Variants in COL9A2 observed in about 807,000 individuals in gnomAD.
COL9A2 encodes collagen type IX alpha 2 chain.
COL9A2 carries 66 observed loss-of-function variants against 111.6 expected under a neutral mutation model. The observed-to-expected ratio is 0.59, with a 90% CI of 0.48 to 0.73. COL9A2 has a LOEUF of 0.73. Ranked by LOEUF, COL9A2 falls within the 30% of genes least tolerant of loss-of-function variation. COL9A2 has a pLI of 0.00. For missense variants in COL9A2, 881 were observed against 954.1 expected, an observed-to-expected ratio of 0.92 and a Z score of 1.01; for synonymous variants, 353 against 364.1, an observed-to-expected ratio of 0.97 and a Z score of 0.35.
chr1:40,315,483 C>T (rs1438178011), intron 2 of COL9A2, 107 bp downstream of exon 2: 2 of 1,473,838 alleles, frequency 1.4e-6, no homozygotes, highest in East Asian at 5.1e-5. Context: ...CGACGAGGGG[C>T]ACTACATCTC....
rs201669089 is a variant in COL9A2, at chr1:40,307,526, C to A, written c.955-27G>T. The A allele has an allele frequency of 1.9e-6, 3 of 1,613,706 alleles. No homozygotes were observed. The highest frequency in any genetic ancestry group is 1.7e-6 in the Non-Finnish European group (2 of 1,179,676). On this transcript the variant is annotated intron_variant, in intron 18 of 31. Transcript: ENST00000372748. This position sits in a 1 kb window ranked among gnomAD's most constrained non-coding sequence, Gnocchi z 4.8. ...TGGGATAGACAGATAACCAAAGATA[C>A]AAATTAAAGCTCCAGCCAGAGGGCC...
Position 40,311,455 on chromosome 1 carries a change from G to A in COL9A2, c.519+45C>T. 1 of 1,571,052 alleles carries A rather than the reference G, an allele frequency of 6.4e-7. No individual in the cohort carries two copies. Among genetic ancestry groups the A allele is most frequent in the South Asian group, 1.1e-5 (1 of 90,044 alleles). On this transcript the variant is annotated intron_variant, in intron 10 of 31. Transcript: ENST00000372748. The surrounding 1 kb of genome is among the most constrained non-coding windows in gnomAD (Gnocchi z 5.1). ...GTGGCCCCGCCTCCCCATCTCTGTG[G>A]CCCCGCCCCCCTGTGTTAGCCCCGC...
chr1:40,302,910 G>A lies in COL9A2; in HGVS notation c.1604-101C>T. ...CATTCCGATGGGCCCTGGCCCCTAG[G>A]TTTGCAGACAGAAAAGCACCACCTT... On this transcript the variant is annotated intron_variant, in intron 29 of 31. Transcript: ENST00000372748. The surrounding 1 kb of genome is among the most constrained non-coding windows in gnomAD (Gnocchi z 4.5). The A allele has an allele frequency of 7.7e-7, 1 of 1,297,468 alleles. No homozygotes were observed. Among genetic ancestry groups the A allele is most frequent in the South Asian group, 1.3e-5 (1 of 78,180 alleles). The allele number at this position is 1,297,468 out of a possible 1,614,324, so 80.4% of individuals were successfully genotyped here. A position where few individuals can be genotyped will look rare whatever the true frequency, so the allele number is the denominator to read the frequency against.
At chr1:40,308,094 G>C (rs1463634079) in intron 17 of COL9A2, 98 bp downstream of exon 17, 1 of 1,219,670 alleles carries the variant, frequency 8.2e-7, no homozygotes, top group Non-Finnish European at 1.2e-6. Flanking sequence ...ACCAGTTGCA[G>C]AGTTCAGACT....
At position 40,306,351 on chromosome 1, in the gene COL9A2, G is replaced by A. The variant is rs114101487; in HGVS notation, c.1009-164C>T. Among the ~76,000 whole-genome samples, 543 of 152,350 alleles carry A rather than the reference G, an allele frequency of 3.6e-3. 4 individuals are homozygous for A. The highest frequency in any genetic ancestry group is 0.012 in the African/African-American group (516 of 41,584). On this transcript the variant is annotated intron_variant, in intron 19 of 31. Coordinates refer to ENST00000372748, the MANE Select transcript of COL9A2 (RefSeq NM_001852.4). ...AACTTAACTGTACATTCCCACAGTGGTGGCAGAGGAGTGGGGCACAGAGAA... is the reference window on the plus strand; with the variant it reads ...AACTTAACTGTACATTCCCACAGTGATGGCAGAGGAGTGGGGCACAGAGAA...
chr1:40,310,674 G>A lies in COL9A2; in HGVS notation c.684+40C>T, dbSNP rs1644108504. ...AATGACTCCATGAAGGGCTCCTGGG[G>A]TGAGGGAGAAGAGGGCCACTGAGGC... On this transcript the variant is annotated intron_variant, in intron 13 of 31. Coordinates refer to ENST00000372748, the MANE Select transcript of COL9A2 (RefSeq NM_001852.4). This position sits in a 1 kb window ranked among gnomAD's most constrained non-coding sequence, Gnocchi z 4.9. 3 of 1,538,856 alleles carry A rather than the reference G, an allele frequency of 1.9e-6. No individual in the cohort carries two copies. Among genetic ancestry groups the A allele is most frequent in the Non-Finnish European group, 1.8e-6 (2 of 1,131,298 alleles).
rs115464714 is a variant in COL9A2 at position 40,308,812 on chromosome 1, T to G, written c.847-567A>C. On this transcript the variant is annotated intron_variant, in intron 16 of 31. Coordinates refer to ENST00000372748, the MANE Select transcript of COL9A2 (RefSeq NM_001852.4). ...ACATCAGAGCAAAGCAATAACAAAA[T>G]CAAAGGAAGGAGGGGTCTGGGGGAT... Among the ~76,000 whole-genome samples the G allele has an allele frequency of 9.3e-3, 1,421 of 152,102 alleles. 7 individuals carry two copies. Among genetic ancestry groups the G allele is most frequent in the Non-Finnish European group, 0.015 (1,045 of 67,978 alleles).
Position 40,307,715 on chromosome 1 carries a change from C to A in COL9A2, c.942G>T (p.Thr314=). The change falls in exon 18 of 32, where the codon ACG becomes ACT. Residue 314 remains threonine, a synonymous_variant. Transcript: ENST00000372748. This position sits in a 1 kb window ranked among gnomAD's most constrained non-coding sequence, Gnocchi z 4.8. ...GCCCCACTCCTACCTTCATGCCAGG[C>A]GTGCCTGGGGTCCCATCCTTGCCGT... ...GINGKDGTPG[T]PGMKGSAGQA... is the part of the protein sequence containing the mutation. 2 of 1,614,182 alleles carry A rather than the reference C, an allele frequency of 1.2e-6. No individual in the cohort carries two copies. Among genetic ancestry groups the A allele is most frequent in the South Asian group, 1.1e-5 (1 of 91,084 alleles).
rs750855411 is a variant in COL9A2, at chr1:40,312,550, G to A, written c.339+24C>T. ...GTCCCCTCTCCCCCAAGAGTCCCTC[G>A]AAGCCCTTGCAGGTTGTACTCACCG... is the stretch of plus-strand genomic sequence containing the variant. On this transcript the variant is annotated intron_variant, in intron 6 of 31. Coordinates refer to ENST00000372748, the MANE Select transcript of COL9A2 (RefSeq NM_001852.4). This position sits in a 1 kb window ranked among gnomAD's most constrained non-coding sequence, Gnocchi z 6.0. 9.9e-6 allele frequency: 16 copies of A among 1,613,926 alleles called. No individual in the cohort carries two copies. In the Admixed American group the frequency reaches 2.2e-4, roughly 22 times the overall value.
At position 40,307,710 on chromosome 1, in the gene COL9A2, C is replaced by T; in HGVS notation, c.947G>A (p.Gly316Asp). ...NGKDGTPGTP[G>D]MKGSAGQAGQ... ...CAGCAGCCCCACTCCTACCTTCATG[C>T]CAGGCGTGCCTGGGGTCCCATCCTT... Residue 316 changes from glycine to aspartate, a missense_variant, in exon 18 of 32, where the codon GGC becomes GAC. Gly to Asp is a moderately conservative substitution (Grantham distance 94). Coordinates refer to ENST00000372748, the MANE Select transcript of COL9A2 (RefSeq NM_001852.4). This position sits in a 1 kb window ranked among gnomAD's most constrained non-coding sequence, Gnocchi z 4.8. 6.2e-7 allele frequency: 1 copy of T among 1,614,166 alleles called. No homozygotes were observed. The highest frequency in any genetic ancestry group is 8.5e-7 in the Non-Finnish European group (1 of 1,180,000).
At position 40,303,437 on chromosome 1, in the gene COL9A2, A is replaced by T. The variant is rs186450620; in HGVS notation, c.1548+93T>A. 264 of 1,537,494 alleles carry T rather than the reference A, an allele frequency of 1.7e-4. No homozygotes were observed. In the East Asian group the frequency reaches 6.0e-3, roughly 35 times the overall value. ...GGAACCAGTCTCGGGGAAGTCGGTG[A>T]GTCTCTGGGAATCCCTAGCCTTTGG... On this transcript the variant is annotated intron_variant, in intron 28 of 31. Coordinates refer to ENST00000372748, the MANE Select transcript of COL9A2 (RefSeq NM_001852.4). This position sits in a 1 kb window ranked among gnomAD's most constrained non-coding sequence, Gnocchi z 4.6.
chr1:40,309,744 C>T (rs1024247167), intron 16 of COL9A2, among the ~76,000 whole-genome samples, 194 bp downstream of exon 16: 2 of 151,896 alleles, frequency 1.3e-5, no homozygotes, highest in African/African-American at 4.8e-5. Context: ...CAGACAGCCT[C>T]ACACATACAC....
Position 40,311,460 on chromosome 1 carries a change from GC to G in COL9A2, c.519+39del, listed in dbSNP as rs137881116. 0.067 allele frequency: 32,239 copies of G among 481,034 alleles called. 522 individuals carry two copies. Among genetic ancestry groups the G allele is most frequent in the South Asian group, 0.14 (4,304 of 30,436 alleles). 29.8% of individuals were successfully genotyped at this position (481,034 alleles called of 1,614,324 possible). A position where few individuals can be genotyped will look rare whatever the true frequency, so the allele number is the denominator to read the frequency against. ...CCCGCCTCCCCATCTCTGTGGCCCCGCCCCCCTGTGTTAGCCCCGCCCCAGA... is the reference window on the plus strand; with the variant it reads ...CCCGCCTCCCCATCTCTGTGGCCCCGCCCCCTGTGTTAGCCCCGCCCCAGA... On this transcript the variant is annotated intron_variant, in intron 10 of 31. Transcript: ENST00000372748. This position sits in a 1 kb window ranked among gnomAD's most constrained non-coding sequence, Gnocchi z 5.1.
chr1:40,315,274 G>A, intron 2 of COL9A2: 2 of 1,183,330 alleles, frequency 1.7e-6, no homozygotes, highest in Non-Finnish European at 2.1e-6. Flanking sequence ...GGCAGGGTGA[G>A]GGGTTGAGTC....
Position 40,311,001 on chromosome 1 carries a change from C to A in COL9A2, c.630+92G>T. The A allele has an allele frequency of 6.5e-7, 1 of 1,539,658 alleles. No individual in the cohort carries two copies. The highest frequency in any genetic ancestry group is 9.0e-7 in the Non-Finnish European group (1 of 1,112,738). ...CTCAAGGCTCTGTCCCCAGAACCCA[C>A]AGGGGAAGGGGAAGGGACGAAGAAG... On this transcript the variant is annotated intron_variant, in intron 12 of 31. Coordinates refer to ENST00000372748, the MANE Select transcript of COL9A2 (RefSeq NM_001852.4). The surrounding 1 kb of genome is among the most constrained non-coding windows in gnomAD (Gnocchi z 5.1).
Position 40,314,329 on chromosome 1 carries a change from G to C in COL9A2, c.186+23C>G. 1 of 1,614,168 alleles carries C rather than the reference G, an allele frequency of 6.2e-7. No individual in the cohort carries two copies. The highest frequency in any genetic ancestry group is 1.1e-5 in the South Asian group (1 of 91,084). ...AGGGCAAGAGCAGGAAGGGTCAAAGGCCAAAGAGGATAAAGCACTCACCGG... is the reference window on the plus strand; with the variant it reads ...AGGGCAAGAGCAGGAAGGGTCAAAGCCCAAAGAGGATAAAGCACTCACCGG... On this transcript the variant is annotated intron_variant, in intron 3 of 31. Coordinates refer to ENST00000372748, the MANE Select transcript of COL9A2 (RefSeq NM_001852.4). This position sits in a 1 kb window ranked among gnomAD's most constrained non-coding sequence, Gnocchi z 4.1.
chr1:40,301,429 G>A, intron 31 of COL9A2, 48 bp from the exon 32 acceptor site: 1 of 1,536,828 alleles, frequency 6.5e-7, no homozygotes, highest in African/African-American at 1.4e-5. Context: ...CTTGTCTCAG[G>A]CCCAGAATTT....
rs921087594 is a variant in COL9A2 at position 40,316,763 on chromosome 1, G to A, written c.75+360C>T. On this transcript the variant is annotated intron_variant, in intron 1 of 31. Coordinates refer to ENST00000372748, the MANE Select transcript of COL9A2 (RefSeq NM_001852.4). The surrounding 1 kb of genome is among the most constrained non-coding windows in gnomAD (Gnocchi z 5.5). ...GTCTGGTTGGAGCCGGCGCCCCCTG[G>A]GAGGCGGCGGGGGCGGAGGCTGCGC... 2 of 368,054 alleles carry A rather than the reference G, an allele frequency of 5.4e-6. No individual in the cohort carries two copies. Among genetic ancestry groups the A allele is most frequent in the Admixed American group, 9.1e-5 (2 of 22,008 alleles). 22.8% of individuals were successfully genotyped at this position (368,054 alleles called of 1,614,324 possible).
intron 24 of COL9A2, 102 bp from the exon 25 acceptor site, chr1:40,304,201 C>T: frequency 1.3e-6 from 2 of 1,519,160 alleles, no homozygotes; most frequent in Non-Finnish European, 1.8e-6. Flanking sequence ...GCCTCGCCGA[C>T]CAGACCAGAA....
Sources: gnomAD v4.1 joint callset for allele counts (sites outside exome capture counted in the v4.1 genomes callset) on GRCh38, gnomAD v4.1.1 for gene constraint, Gnocchi (gnomAD v3.1) non-coding constraint, MANE v1.5 for transcripts, NCBI Gene and HGNC (gene_info 2026-07-23, HGNC 2026-07-21) for gene names.